SRPK2: variants seen among roughly 807,000 people sequenced by gnomAD.
SRPK2 encodes the protein SFRS protein kinase 2.
Under a neutral mutation model 90.8 loss-of-function variants are expected in SRPK2, and 21 were observed. The observed-to-expected ratio is 0.23, with a 90% CI of 0.16 to 0.33. The LOEUF is 0.33. SRPK2 is among the 10% of genes least tolerant of loss of function. SRPK2 has a pLI of 1.00. For synonymous variants in SRPK2, 288 were observed against 311.1 expected, an observed-to-expected ratio of 0.93 and a Z score of 0.78; for missense variants, 620 against 869.0, an observed-to-expected ratio of 0.71 and a Z score of 3.60.
At chr7:105,323,965 CTTTGTG>C (rs1183498218) in intron 2 of SRPK2, among the ~76,000 whole-genome samples, 69 of 110,470 alleles carry the variant, frequency 6.2e-4, no homozygotes, top group African/African-American at 2.5e-3. Flanking sequence ...TCAGACTATT[CTTTGTG>C]TGTGTGTGTG....
chr7:105,120,211 T>C (rs1425781858), intron 15 of SRPK2, among the ~76,000 whole-genome samples: 1 of 152,222 alleles, frequency 6.6e-6, no homozygotes, highest in Non-Finnish European at 1.5e-5. Context: ...ATGACATGAA[T>C]CTATTCTATC....
At chr7:105,338,740 T>G (rs1367024725) in intron 2 of SRPK2, among the ~76,000 whole-genome samples, 1 of 152,252 alleles carries the variant, frequency 6.6e-6, no homozygotes, top group East Asian at 1.9e-4. Flanking sequence ...ATTTTCATTG[T>G]ATATATCCAA....
intron 2 of SRPK2, among the ~76,000 whole-genome samples, chr7:105,208,171 G>C (rs368876779): frequency 3.9e-5 from 6 of 152,150 alleles, no homozygotes; most frequent in African/African-American, 1.4e-4. Flanking sequence ...AAGAAATAAG[G>C]ATCTTCAAAC....
At chr7:105,246,054 G>T (rs1292076005) in intron 2 of SRPK2, among the ~76,000 whole-genome samples, 1 of 152,198 alleles carries the variant, frequency 6.6e-6, no homozygotes, top group African/African-American at 2.4e-5. Flanking sequence ...AAAAAGAAAA[G>T]CTGGAAGGTT....
chr7:105,335,693 T>G, intron 2 of SRPK2, among the ~76,000 whole-genome samples: 1 of 146,940 alleles, frequency 6.8e-6, no homozygotes, highest in South Asian at 2.2e-4. Flanking sequence ...GTGGCTCACA[T>G]CTGTAATCCC....
At chr7:105,185,509 G>C (rs1411378037) in intron 3 of SRPK2, among the ~76,000 whole-genome samples, 1 of 152,016 alleles carries the variant, frequency 6.6e-6, no homozygotes, top group Non-Finnish European at 1.5e-5. Context: ...ACTCATAACT[G>C]AAGACATGTT....
At chr7:105,233,709 A>C (rs1160751606) in intron 2 of SRPK2, among the ~76,000 whole-genome samples, 1 of 152,140 alleles carries the variant, frequency 6.6e-6, no homozygotes. Flanking sequence ...AAAGAAAAAA[A>C]ATTAGCCAGG....
chr7:105,278,848 T>C (rs1245773405), intron 2 of SRPK2, among the ~76,000 whole-genome samples: 1 of 144,624 alleles, frequency 6.9e-6, no homozygotes, highest in African/African-American at 2.6e-5. Flanking sequence ...AAAATGCTCT[T>C]CATTATGGCT....
chr7:105,127,837 GA>G (rs1389898924), intron 13 of SRPK2, among the ~76,000 whole-genome samples: 1 of 152,124 alleles, frequency 6.6e-6, no homozygotes, highest in African/African-American at 2.4e-5. Context: ...TTTTAAAAGA[GA>G]AAAAAAGAAT....
chr7:105,301,857 A>G, intron 2 of SRPK2: 1 of 1,573,912 alleles, frequency 6.4e-7, no homozygotes, highest in Non-Finnish European at 8.7e-7. Flanking sequence ...CAGTTCATGG[A>G]GAATCACAAT....
At chr7:105,298,990 G>A (rs966129089) in intron 2 of SRPK2, among the ~76,000 whole-genome samples, 2 of 152,014 alleles carry the variant, frequency 1.3e-5, no homozygotes, top group African/African-American at 2.4e-5. Context: ...TGCCCTCTAC[G>A]TTCCACCAGC....
chr7:105,277,475 A>G (rs1447456733), intron 2 of SRPK2, among the ~76,000 whole-genome samples: 1 of 152,244 alleles, frequency 6.6e-6, no homozygotes, highest in Non-Finnish European at 1.5e-5. Context: ...TCTGAAGCCA[A>G]GTATTGAGGT....
chr7:105,282,721 G>A (rs369118332), intron 2 of SRPK2, among the ~76,000 whole-genome samples: 16 of 152,196 alleles, frequency 1.1e-4, no homozygotes, highest in East Asian at 3.9e-4. Context: ...CCTGGGAAGC[G>A]GAGGTTGCAG....
intron 2 of SRPK2, among the ~76,000 whole-genome samples, chr7:105,335,292 A>G (rs1814963088): frequency 6.6e-6 from 1 of 152,196 alleles, no homozygotes; most frequent in Non-Finnish European, 1.5e-5. Context: ...AAAGCAAACA[A>G]TTGCATTATC....
chr7:105,332,164 AATC>A (rs1193973037), intron 2 of SRPK2, among the ~76,000 whole-genome samples: 2 of 152,146 alleles, frequency 1.3e-5, no homozygotes, highest in African/African-American at 4.8e-5. Context: ...CCACACAACA[AATC>A]ATCAACAAAG....
intron 3 of SRPK2, among the ~76,000 whole-genome samples, chr7:105,178,078 C>A (rs2129595460): frequency 6.7e-6 from 1 of 150,178 alleles, no homozygotes; most frequent in Non-Finnish European, 1.5e-5. Context: ...TAAGATTTGA[C>A]AGTCACATTC....
At chr7:105,267,861 A>G (rs1298184101) in intron 2 of SRPK2, among the ~76,000 whole-genome samples, 1 of 152,134 alleles carries the variant, frequency 6.6e-6, no homozygotes, top group African/African-American at 2.4e-5. Context: ...AAAAAAGATA[A>G]CCCTGCAAAC....
At chr7:105,229,417 T>C (rs1036699928) in intron 2 of SRPK2, among the ~76,000 whole-genome samples, 6 of 151,942 alleles carry the variant, frequency 3.9e-5, no homozygotes, top group African/African-American at 1.5e-4. Flanking sequence ...TGAGCCGAGA[T>C]TGCGCCACTG....
chr7:105,267,235 C>T (rs1805208131), intron 2 of SRPK2, among the ~76,000 whole-genome samples: 1 of 152,118 alleles, frequency 6.6e-6, no homozygotes, highest in Admixed American at 6.5e-5. Context: ...AAACCTCATC[C>T]ACTCCTAATT....
Sources: gnomAD v4.1 joint callset for allele counts (sites outside exome capture counted in the v4.1 genomes callset) on GRCh38, gnomAD v4.1.1 for gene constraint, MANE v1.5 for transcripts, NCBI Gene and HGNC (gene_info 2026-07-23, HGNC 2026-07-21) for gene names.